GMDS: variants seen among roughly 807,000 people sequenced by gnomAD.
The protein encoded by GMDS is GDP-mannose 4,6-dehydratase.
GMDS carries 20 observed loss-of-function variants against 49.9 expected under a neutral mutation model. That is an observed-to-expected ratio of 0.40 (90% confidence interval 0.28 to 0.58). The LOEUF (loss-of-function observed/expected upper bound fraction) is 0.58, where lower values mean the gene tolerates loss of function less well. GMDS is among the 20% of genes least tolerant of loss of function. The pLI is 0.42. For missense variants in GMDS, 362 were observed against 481.4 expected (o/e 0.75, Z 2.32); for synonymous variants, 177 against 178.6 (o/e 0.99, Z 0.07).
chr6:1,854,938 G>A (rs1382810895), intron 7 of GMDS, among the ~76,000 whole-genome samples: 1 of 152,112 alleles, frequency 6.6e-6, no homozygotes, highest in Admixed American at 6.5e-5. Context: ...ATTAACTGAT[G>A]GTTATTTTTT....
chr6:1,866,284 A>T (rs917054436), intron 7 of GMDS, among the ~76,000 whole-genome samples: 12 of 152,236 alleles, frequency 7.9e-5, no homozygotes, highest in African/African-American at 2.9e-4. Flanking sequence ...TACATATATG[A>T]ATCTGCAATG....
At chr6:2,103,422 T>C (rs1254434329) in intron 4 of GMDS, among the ~76,000 whole-genome samples, 3 of 152,280 alleles carry the variant, frequency 2.0e-5, no homozygotes, top group African/African-American at 7.2e-5. Flanking sequence ...TACACACCTT[T>C]AGAATAAATT....
intron 9 of GMDS, among the ~76,000 whole-genome samples, chr6:1,643,393 G>C (rs541482152): frequency 4.6e-5 from 7 of 152,336 alleles, no homozygotes; most frequent in Admixed American, 1.3e-4. Flanking sequence ...GAGCCCCCGA[G>C]GCTCTGTTGC....
At chr6:1,822,363 A>G (rs1050050979) in intron 7 of GMDS, among the ~76,000 whole-genome samples, 7 of 152,228 alleles carry the variant, frequency 4.6e-5, no homozygotes, top group African/African-American at 1.7e-4. Flanking sequence ...TTGGGGTAAG[A>G]TTTAGGTCAC....
intron 7 of GMDS, among the ~76,000 whole-genome samples, chr6:1,837,136 T>C (rs1169500948): frequency 1.3e-5 from 2 of 152,248 alleles, no homozygotes; most frequent in South Asian, 2.1e-4. Flanking sequence ...TGTAGAAATA[T>C]TGTACCTTAG....
chr6:2,219,968 TG>T (rs1292119117), intron 1 of GMDS, among the ~76,000 whole-genome samples: 1 of 152,202 alleles, frequency 6.6e-6, no homozygotes, highest in Admixed American at 6.5e-5. Context: ...CAACCTATAA[TG>T]GTGACAATGA....
intron 7 of GMDS, among the ~76,000 whole-genome samples, chr6:1,767,596 G>A (rs2113570453): frequency 6.6e-6 from 1 of 152,322 alleles, no homozygotes; most frequent in African/African-American, 2.4e-5. Flanking sequence ...GACTGAGAGA[G>A]ATGTTAAGCA....
intron 7 of GMDS, among the ~76,000 whole-genome samples, chr6:1,825,939 C>G (rs1175565254): frequency 6.6e-6 from 1 of 152,118 alleles, no homozygotes; most frequent in Non-Finnish European, 1.5e-5. Flanking sequence ...TCACTTGAAC[C>G]TAGGAGGGGG....
chr6:1,737,626 G>T (rs574842250), intron 8 of GMDS, among the ~76,000 whole-genome samples: 1,232 of 122,668 alleles, frequency 0.01, 30 homozygotes, highest in Non-Finnish European at 6.2e-3. Flanking sequence ...CACACACACA[G>T]ATACACACGC....
At chr6:1,918,200 C>G (rs1336341477) in intron 7 of GMDS, among the ~76,000 whole-genome samples, 1 of 151,986 alleles carries the variant, frequency 6.6e-6, no homozygotes, top group Admixed American at 6.6e-5. Flanking sequence ...TAATAGAGCC[C>G]TCCTTGGAAC....
At chr6:1,870,734 T>G (rs754008658) in intron 7 of GMDS, among the ~76,000 whole-genome samples, 1 of 152,194 alleles carries the variant, frequency 6.6e-6, no homozygotes, top group African/African-American at 2.4e-5. Context: ...AGATGTCACT[T>G]AGAAATAATA....
At chr6:2,055,692 ACT>A (rs1770737348) in intron 4 of GMDS, among the ~76,000 whole-genome samples, 1 of 152,050 alleles carries the variant, frequency 6.6e-6, no homozygotes, top group African/African-American at 2.4e-5. Context: ...GGACTAACTA[ACT>A]CTGCGGATTA....
At chr6:1,660,799 G>T (rs1764045138) in intron 9 of GMDS, among the ~76,000 whole-genome samples, 2 of 146,920 alleles carry the variant, frequency 1.4e-5, no homozygotes, top group Admixed American at 1.4e-4. Context: ...GGAGATGTTG[G>T]CGGCAAAGAA....
intron 7 of GMDS, among the ~76,000 whole-genome samples, chr6:1,817,291 A>G (rs1463195977): frequency 2.0e-5 from 3 of 152,066 alleles, no homozygotes; most frequent in African/African-American, 7.3e-5. Context: ...TTCCTTAATG[A>G]TTTGTTTTCT....
intron 4 of GMDS, among the ~76,000 whole-genome samples, chr6:2,005,337 G>A (rs1038131246): frequency 3.9e-5 from 6 of 152,088 alleles, no homozygotes; most frequent in African/African-American, 7.2e-5. Context: ...AATCCTAGTC[G>A]AAGCCAGTGC....
At chr6:1,747,947 A>G (rs1767579090) in intron 7 of GMDS, among the ~76,000 whole-genome samples, 1 of 152,234 alleles carries the variant, frequency 6.6e-6, no homozygotes, top group Non-Finnish European at 1.5e-5. Context: ...TGAACAGAAA[A>G]AAAAAGATAA....
chr6:2,243,849 T>A (rs1400447082), intron 1 of GMDS, among the ~76,000 whole-genome samples: 1 of 97,076 alleles, frequency 1.0e-5, no homozygotes, highest in Non-Finnish European at 2.0e-5. Flanking sequence ...CCTTCTTTTT[T>A]TTTTTTTTTT....
intron 1 of GMDS, among the ~76,000 whole-genome samples, chr6:2,231,429 TAGAA>T (rs1273397103): frequency 6.6e-6 from 1 of 151,718 alleles, no homozygotes; most frequent in Non-Finnish European, 1.5e-5. Context: ...CCAGATATGG[TAGAA>T]CCCACCCAAA....
chr6:1,642,537 T>C (rs1763363565), intron 9 of GMDS, among the ~76,000 whole-genome samples: 1 of 152,198 alleles, frequency 6.6e-6, no homozygotes, highest in Non-Finnish European at 1.5e-5. Flanking sequence ...AAATTTTGGT[T>C]TTGTCAGGGA....
Sources: allele counts gnomAD v4.1 joint callset (sites outside exome capture counted in the v4.1 genomes callset), GRCh38; gene constraint gnomAD v4.1.1; transcripts MANE v1.5; gene names NCBI Gene and HGNC (gene_info 2026-07-23, HGNC 2026-07-21).